The following STX18 variants were observed in gnomAD, a reference collection of about 807,000 sequenced individuals.
STX18 encodes syntaxin 18.
In STX18, 40 loss-of-function variants were observed where a neutral mutation model predicts 50.1. That is an observed-to-expected ratio of 0.80 (90% confidence interval 0.62 to 1.04). The LOEUF is 1.04. Ranked by LOEUF, STX18 falls within the 50% of genes least tolerant of loss-of-function variation. STX18 has a pLI of 0.00. For synonymous variants in STX18, 158 were observed against 151.8 expected (o/e 1.04, Z -0.30); for missense variants, 410 against 415.8 (o/e 0.99, Z 0.12).
intron 7 of STX18, among the ~76,000 whole-genome samples, chr4:4,427,816 G>C (rs1379807929): frequency 6.6e-6 from 1 of 152,208 alleles, no homozygotes; most frequent in East Asian, 1.9e-4. Context: ...CTGCACTCAG[G>C]AGTGGGATCA....
At chr4:4,533,423 C>T (rs1731190464) in intron 1 of STX18, among the ~76,000 whole-genome samples, 2 of 152,252 alleles carry the variant, frequency 1.3e-5, no homozygotes, top group Admixed American at 6.5e-5. Flanking sequence ...TATAAAATCA[C>T]TCAATAATAT....
intron 1 of STX18, among the ~76,000 whole-genome samples, chr4:4,495,023 C>T (rs981035483): frequency 6.6e-6 from 1 of 152,170 alleles, no homozygotes. Context: ...GGGTTGAGAA[C>T]CACTGATGTA....
intron 1 of STX18, among the ~76,000 whole-genome samples, chr4:4,531,668 G>C (rs1731102403): frequency 6.6e-6 from 1 of 152,108 alleles, no homozygotes; most frequent in South Asian, 2.1e-4. Context: ...CACTTGACTT[G>C]CTCTTCAAGG....
intron 7 of STX18, among the ~76,000 whole-genome samples, chr4:4,428,999 GT>G (rs1196303065): frequency 1.3e-5 from 2 of 152,302 alleles, no homozygotes; most frequent in Admixed American, 1.3e-4. Context: ...GCTCTACGCT[GT>G]TACGGTCTCC....
intron 3 of STX18, among the ~76,000 whole-genome samples, chr4:4,458,356 C>T (rs913718228): frequency 3.9e-5 from 6 of 152,282 alleles, no homozygotes; most frequent in African/African-American, 9.6e-5. Flanking sequence ...TATAGGGCTG[C>T]TTAACCCAAG....
chr4:4,528,717 G>A (rs1454501870), intron 1 of STX18, among the ~76,000 whole-genome samples: 2 of 152,190 alleles, frequency 1.3e-5, no homozygotes, highest in East Asian at 1.9e-4. Flanking sequence ...GCTCACAGCC[G>A]AGTGTGTCTC....
intron 2 of STX18, chr4:4,461,757 C>T (rs556822733): frequency 1.7e-5 from 7 of 418,934 alleles, no homozygotes; most frequent in South Asian, 1.2e-4. Flanking sequence ...GGGGGGAATG[C>T]TTATTCCCTA....
intron 1 of STX18, among the ~76,000 whole-genome samples, chr4:4,479,445 T>C (rs1421064010): frequency 1.3e-5 from 2 of 152,286 alleles, no homozygotes; most frequent in South Asian, 2.1e-4. Context: ...AGAAGGGACA[T>C]AGTGAGATCT....
chr4:4,472,913 T>G (rs985434861), intron 1 of STX18, among the ~76,000 whole-genome samples: 6 of 152,188 alleles, frequency 3.9e-5, no homozygotes, highest in African/African-American at 1.2e-4. Flanking sequence ...TAAATGTGAT[T>G]CAGAAAAACA....
chr4:4,503,201 CCTT>C (rs1480192935), intron 1 of STX18, among the ~76,000 whole-genome samples: 2 of 152,142 alleles, frequency 1.3e-5, no homozygotes, highest in Non-Finnish European at 2.9e-5. Flanking sequence ...CTTCTTATCT[CCTT>C]GTTTATGTAA....
intron 6 of STX18, 111 bp downstream of exon 6, chr4:4,438,283 A>G (rs767236160): frequency 1.7e-4 from 148 of 849,862 alleles, no homozygotes; most frequent in Non-Finnish European, 2.5e-4. Context: ...CTTTATGCAA[A>G]TACAAACACC....
chr4:4,503,129 G>C (rs1283543327), intron 1 of STX18, among the ~76,000 whole-genome samples: 1 of 152,152 alleles, frequency 6.6e-6, no homozygotes, highest in African/African-American at 2.4e-5. Flanking sequence ...GACAGTTTCG[G>C]CATGTAATTC....
intron 1 of STX18, among the ~76,000 whole-genome samples, chr4:4,541,348 C>G (rs1731584176): frequency 6.6e-6 from 1 of 152,120 alleles, no homozygotes; most frequent in Non-Finnish European, 1.5e-5. Context: ...AGAAAGAGTT[C>G]GGCTGAATAC....
At chr4:4,509,545 G>A (rs545374537) in intron 1 of STX18, among the ~76,000 whole-genome samples, 2 of 151,888 alleles carry the variant, frequency 1.3e-5, no homozygotes, top group African/African-American at 2.4e-5. Flanking sequence ...ACTTGGAGTC[G>A]AAAGACCCTA....
intron 1 of STX18, among the ~76,000 whole-genome samples, chr4:4,484,231 T>C (rs913146793): frequency 6.6e-6 from 1 of 152,082 alleles, no homozygotes; most frequent in African/African-American, 2.4e-5. Context: ...CCTCTGAAAA[T>C]AGTTCATGGG....
At chr4:4,538,880 T>G (rs550989012) in intron 1 of STX18, among the ~76,000 whole-genome samples, 2 of 152,172 alleles carry the variant, frequency 1.3e-5, no homozygotes, top group African/African-American at 2.4e-5. Flanking sequence ...TCATTATTAT[T>G]TGGAGTTGTT....
intron 7 of STX18, among the ~76,000 whole-genome samples, chr4:4,427,967 G>A (rs1010488977): frequency 4.6e-5 from 7 of 152,178 alleles, no homozygotes; most frequent in African/African-American, 1.7e-4. Context: ...ATGGAGAGCC[G>A]CCTCTGTGTT....
chr4:4,459,323 T>C (rs574634096), intron 3 of STX18, 49 bp downstream of exon 3: 1 of 1,362,952 alleles, frequency 7.3e-7, no homozygotes, highest in South Asian at 1.2e-5. Context: ...CTTGTTTAAC[T>C]ACTTGCTATA....
rs200821076 is a variant in STX18 at position 4,510,658 on chromosome 4, TACCCA to T, written c.168+31134_168+31138del. 8.3e-3 allele frequency among the ~76,000 whole-genome samples: 1,258 copies of T among 152,322 alleles called. 11 individuals are homozygous for T. Among genetic ancestry groups the T allele is most frequent in the African/African-American group, 0.029 (1,196 of 41,566 alleles). ...CCCAGCAATCCCATTACTAGGTGTA[TACCCA>T]AAGGATTATAAATCATTCTACTATA... is the stretch of plus-strand genomic sequence containing the variant. On this transcript the variant is annotated intron_variant, in intron 1 of 10. Coordinates refer to ENST00000306200, the MANE Select transcript of STX18 (RefSeq NM_016930.4).
Sources: gnomAD v4.1 joint callset for allele counts (sites outside exome capture counted in the v4.1 genomes callset) on GRCh38, gnomAD v4.1.1 for gene constraint, MANE v1.5 for transcripts, NCBI Gene and HGNC (gene_info 2026-07-23, HGNC 2026-07-21) for gene names.